NPFFR2: variants seen among roughly 807,000 people sequenced by gnomAD.
NPFFR2 encodes the protein neuropeptide FF receptor 2, also known as G-protein coupled receptor 74.
Under a neutral mutation model 13.1 loss-of-function variants are expected in NPFFR2, and 15 were observed. The ratio of observed to expected loss-of-function variants is 1.15; its 90% CI spans 0.77 to 1.76. The LOEUF is 1.76. NPFFR2 is among the 40% of genes most tolerant of loss of function. The probability of loss-of-function intolerance (pLI) is 0.00; values close to 1 mark genes in which losing one functional copy is unlikely to be tolerated. For missense variants in NPFFR2, 572 were observed against 503.5 expected (o/e 1.14, Z -1.30); for synonymous variants, 190 against 175.7 (o/e 1.08, Z -0.65).
intron 1 of NPFFR2, among the ~76,000 whole-genome samples, chr4:72,121,070 C>T (rs193029349): frequency 6.6e-5 from 10 of 152,054 alleles, no homozygotes; most frequent in African/African-American, 2.2e-4. Flanking sequence ...CCTGACGGAG[C>T]TGAAAAACAC....
At chr4:72,054,401 A>T (rs1223741004) in intron 1 of NPFFR2, among the ~76,000 whole-genome samples, 2 of 151,966 alleles carry the variant, frequency 1.3e-5, no homozygotes, top group Non-Finnish European at 2.9e-5. Flanking sequence ...TCTTTTCAAT[A>T]AATAGTACTG....
rs79311232 is a variant in NPFFR2, at chr4:72,068,546, A to G, written c.-8+36346A>G. ...ATGCTCAAGCCATAGCACCACTTCT[A>G]TGAGAGCAGGGCCCTCTCTGTTTAG... On this transcript the variant is annotated intron_variant, in intron 1 of 3. Transcript: ENST00000308744. Among the ~76,000 whole-genome samples, 4,254 of 152,322 alleles carry G rather than the reference A, an allele frequency of 0.028. 292 individuals are homozygous for G. In the East Asian group the frequency reaches 0.31, roughly 11 times the overall value.
At chr4:72,133,790 C>CTGATT (rs1722324394) in intron 2 of NPFFR2, among the ~76,000 whole-genome samples, 1 of 152,014 alleles carries the variant, frequency 6.6e-6, no homozygotes, top group Admixed American at 6.6e-5. Flanking sequence ...GATTGAGTTC[C>CTGATT]TGATTTGGCT....
At chr4:72,108,559 A>AC (rs764881546) in intron 1 of NPFFR2, among the ~76,000 whole-genome samples, 3 of 151,946 alleles carry the variant, frequency 2.0e-5, no homozygotes, top group Non-Finnish European at 4.4e-5. Flanking sequence ...GGCATCTAAT[A>AC]CCTTAAAAAA....
At chr4:72,070,563 G>GTGTGTGTGTGTGTGTGTGTGTTT (rs1470820064) in intron 1 of NPFFR2, among the ~76,000 whole-genome samples, 12 of 137,272 alleles carry the variant, frequency 8.7e-5, no homozygotes, top group Non-Finnish European at 1.4e-4. Context: ...GTGTGTGTGG[G>GTGTGTGTGTGTGTGTGTGTGTTT]GGGGGGGGGT....
chr4:72,045,716 T>G (rs1403302336), intron 1 of NPFFR2, among the ~76,000 whole-genome samples: 3 of 136,538 alleles, frequency 2.2e-5, no homozygotes, highest in African/African-American at 8.0e-5. Flanking sequence ...AGTTTGAATA[T>G]CTCATGTACT....
intron 1 of NPFFR2, among the ~76,000 whole-genome samples, chr4:72,090,364 A>G (rs373148865): frequency 3.3e-5 from 5 of 152,084 alleles, no homozygotes; most frequent in African/African-American, 9.6e-5. Flanking sequence ...GTGAAGATTG[A>G]TGATGGTATT....
chr4:72,052,425 G>A lies in NPFFR2; in HGVS notation c.-8+20225G>A, dbSNP rs1339198966. Among the ~76,000 whole-genome samples, 3 of 148,786 alleles carry A rather than the reference G, an allele frequency of 2.0e-5. No individual in the cohort carries two copies. In the East Asian group the frequency reaches 5.9e-4, roughly 29 times the overall value. ...GATTATCTCAATAGATGCAGAAAAG[G>A]CCTTTGACAAAATTCAACAACCCTT... On this transcript the variant is annotated intron_variant, in intron 1 of 3. Coordinates refer to ENST00000308744, the MANE Select transcript of NPFFR2 (RefSeq NM_004885.3).
intron 1 of NPFFR2, among the ~76,000 whole-genome samples, chr4:72,052,842 A>G (rs936884185): frequency 2.0e-5 from 3 of 151,980 alleles, no homozygotes; most frequent in South Asian, 2.1e-4. Context: ...GCTCTTTACA[A>G]TCGCTTATCT....
chr4:72,083,544 T>C (rs542897098), intron 1 of NPFFR2, among the ~76,000 whole-genome samples: 1 of 152,120 alleles, frequency 6.6e-6, no homozygotes, highest in Non-Finnish European at 1.5e-5. Context: ...AGGAACACCA[T>C]GTTCTCCTGG....
intron 1 of NPFFR2, among the ~76,000 whole-genome samples, chr4:72,118,945 G>A (rs1012639163): frequency 6.6e-6 from 1 of 152,018 alleles, no homozygotes; most frequent in African/African-American, 2.4e-5. Context: ...ATAAGCATAT[G>A]GAAAATAGGT....
At chr4:72,044,369 T>G (rs28865101) in intron 1 of NPFFR2, among the ~76,000 whole-genome samples, 41,269 of 152,118 alleles carry the variant, frequency 0.27, 5,901 homozygotes, top group Middle Eastern at 0.37. Flanking sequence ...CTTGAGTTAC[T>G]TTTTGTATAT....
At position 72,074,239 on chromosome 4, in the gene NPFFR2, G is replaced by A. The variant is rs765742171; in HGVS notation, c.-8+42039G>A. Among the ~76,000 whole-genome samples the A allele has an allele frequency of 3.9e-5, 6 of 152,030 alleles. No homozygotes were observed. In the East Asian group the frequency reaches 5.8e-4, roughly 15 times the overall value. The stretch of plus-strand genomic sequence containing the variant: ...TTCATCCTGCTCTTCAGAATGACAT[G>A]CAATTTAAAACTTATGAATTGTTTA... On this transcript the variant is annotated intron_variant, in intron 1 of 3. Transcript: ENST00000308744.
intron 1 of NPFFR2, among the ~76,000 whole-genome samples, chr4:72,049,583 A>G (rs1250705289): frequency 6.6e-6 from 1 of 152,098 alleles, no homozygotes; most frequent in Non-Finnish European, 1.5e-5. Flanking sequence ...AAAACCTGTT[A>G]TAATTGTAGC....
Position 72,085,436 on chromosome 4 carries a change from T to C in NPFFR2, c.-7-43149T>C, listed in dbSNP as rs1340641104. 3.9e-5 allele frequency among the ~76,000 whole-genome samples: 6 copies of C among 152,290 alleles called. No homozygotes were observed. In the South Asian group the frequency reaches 6.2e-4, roughly 16 times the overall value. On this transcript the variant is annotated intron_variant, in intron 1 of 3. Transcript: ENST00000308744. ...CAAGCTTCAGCCACAAGCTTTTTTT[T>C]CCCCAGCATATATTTTATGTTTTTT... is the stretch of plus-strand genomic sequence containing the variant.
At chr4:72,112,541 A>T (rs1158143579) in intron 1 of NPFFR2, among the ~76,000 whole-genome samples, 4 of 152,002 alleles carry the variant, frequency 2.6e-5, no homozygotes, top group Admixed American at 6.6e-5. Flanking sequence ...GGAGAACAGG[A>T]GACAGAAGCT....
chr4:72,112,730 CAT>C (rs1248071509), intron 1 of NPFFR2, among the ~76,000 whole-genome samples: 1 of 151,820 alleles, frequency 6.6e-6, no homozygotes, highest in Non-Finnish European at 1.5e-5. Flanking sequence ...TGTTGTGAGT[CAT>C]ATTGTGACAT....
At chr4:72,086,021 C>T (rs1184626438) in intron 1 of NPFFR2, among the ~76,000 whole-genome samples, 3 of 152,026 alleles carry the variant, frequency 2.0e-5, no homozygotes, top group South Asian at 4.1e-4. Flanking sequence ...AATGATCACT[C>T]GTTATCAATG....
At chr4:72,138,217 T>C in intron 3 of NPFFR2, 78 bp downstream of exon 3, 1 of 860,994 alleles carries the variant, frequency 1.2e-6, no homozygotes, top group Non-Finnish European at 1.9e-6. Flanking sequence ...TATAACCTAC[T>C]AAATTTGGAC....
Sources: allele counts gnomAD v4.1 joint callset (sites outside exome capture counted in the v4.1 genomes callset), GRCh38; gene constraint gnomAD v4.1.1; transcripts MANE v1.5; gene names NCBI Gene and HGNC (gene_info 2026-07-23, HGNC 2026-07-21).